The following TNRC18 variants were observed in gnomAD, a reference collection of about 807,000 sequenced individuals.
The protein encoded by TNRC18 is trinucleotide repeat-containing gene 18 protein.
A neutral mutation model predicts 226.7 loss-of-function variants in TNRC18; 69 were observed. The observed-to-expected ratio is 0.30, with a 90% CI of 0.25 to 0.37. The LOEUF (loss-of-function observed/expected upper bound fraction) is 0.37. Among genes scored for constraint, TNRC18 ranks in the 10% least tolerant of loss-of-function variants. The pLI is 1.00. For missense variants in TNRC18, 4,754 were observed against 4,256.6 expected (o/e 1.12, Z -3.25); for synonymous variants, 2,449 against 1,927.6 (o/e 1.27, Z -7.09).
Position 5,367,791 on chromosome 7 carries a change from C to T in TNRC18, c.4219+2584G>A, listed in dbSNP as rs542892850. On this transcript the variant is annotated intron_variant, in intron 11 of 29. Transcript: ENST00000430969. The stretch of plus-strand genomic sequence containing the variant: ...AAAAAAGTTTCTATTGAACTATTTT[C>T]GTGAGAGAAAAGCAGCAATGAACTT... 5.3e-5 allele frequency among the ~76,000 whole-genome samples: 8 copies of T among 151,498 alleles called. No individual in the cohort carries two copies. The South Asian group carries it at 1.0e-3, about 20-fold the overall frequency.
Position 5,313,151 on chromosome 7 carries a change from C to G in TNRC18, c.7740G>C (p.Glu2580Asp), listed in dbSNP as rs746066811. The G allele has an allele frequency of 1.3e-6, 2 of 1,531,374 alleles. No homozygotes were observed. Among genetic ancestry groups the G allele is most frequent in the African/African-American group, 2.7e-5 (2 of 72,838 alleles). The allele number at this position is 1,531,374 out of a possible 1,614,324, so 94.9% of individuals were successfully genotyped here. ...TGTCGCCTTCCTCCTCCCCTTCTGT[C>G]TCCGAGCCGCTGCTGCTGCTGCTGC... ...SSSSSSSSGS[E>D]TEGEEEGDKN... The change falls in exon 27 of 30, where the codon GAG becomes GAC. Residue 2580 changes from glutamate (E) to aspartate (D), a missense_variant. Coordinates refer to ENST00000430969, the MANE Select transcript of TNRC18 (RefSeq NM_001080495.3).
chr7:5,361,324 G>A (rs1793021432), intron 14 of TNRC18, among the ~76,000 whole-genome samples: 1 of 152,240 alleles, frequency 6.6e-6, no homozygotes, highest in Admixed American at 6.5e-5. Context: ...TAGGCGTGAG[G>A]AGGCAGGCGT....
chr7:5,325,597 T>C (rs1788833640), intron 19 of TNRC18: 1 of 268,318 alleles, frequency 3.7e-6, no homozygotes, highest in Non-Finnish European at 7.1e-6. Flanking sequence ...CTAATGTTTT[T>C]GTATTTTCAG....
chr7:5,368,051 GA>G (rs61667235), intron 11 of TNRC18, among the ~76,000 whole-genome samples: 56 of 146,466 alleles, frequency 3.8e-4, no homozygotes, highest in Non-Finnish European at 6.0e-4. Flanking sequence ...TTGCAACGGA[GA>G]AAAAAAAAAA....
At chr7:5,308,783 G>A (rs866834867) in intron 29 of TNRC18, 92 bp downstream of exon 29, 19 of 1,397,392 alleles carry the variant, frequency 1.4e-5, no homozygotes, top group African/African-American at 4.3e-5. Flanking sequence ...ATGGGGGACA[G>A]AGCAGCAGAT....
At chr7:5,375,818 C>G (rs1179607241) in intron 9 of TNRC18, among the ~76,000 whole-genome samples, 1 of 152,186 alleles carries the variant, frequency 6.6e-6, no homozygotes, top group African/African-American at 2.4e-5. Flanking sequence ...CTCCATCTGC[C>G]TCTGCTCACA....
At chr7:5,379,839 G>A (rs1297772847) in intron 5 of TNRC18, among the ~76,000 whole-genome samples, 2 of 152,184 alleles carry the variant, frequency 1.3e-5, no homozygotes, top group South Asian at 2.1e-4. Context: ...CCTTGGGGCC[G>A]GCCTTCCCAG....
intron 2 of TNRC18, among the ~76,000 whole-genome samples, chr7:5,395,024 C>T (rs947951115): frequency 4.6e-5 from 7 of 152,132 alleles, no homozygotes; most frequent in Non-Finnish European, 5.9e-5. Flanking sequence ...AGGCGGGGGG[C>T]TCATATGCTG....
In TNRC18 at chr7:5,357,190, G is replaced by C. The variant is rs1434961040; in HGVS notation, c.4920C>G (p.Asp1640Glu). ...LDKALSLTKQ[D>E]KLKSPFKFSD... ...AAAACTTGAAGGGCGACTTCAACTT[G>C]TCCTGCTTGGTGAGGGAGAGGGCCT... Residue 1640 changes from aspartate to glutamate, a missense_variant, in exon 16 of 30, where the codon GAC (aspartate) becomes GAG (glutamate). By Grantham distance (45) the Asp-to-Glu change is conservative. Transcript: ENST00000430969. 4.3e-6 allele frequency: 7 copies of C among 1,610,612 alleles called. No individual in the cohort carries two copies. The highest frequency in any genetic ancestry group is 2.2e-5 in the East Asian group (1 of 44,832).
chr7:5,345,789 T>C lies in TNRC18; in HGVS notation c.5492A>G (p.Asp1831Gly). Residue 1831 changes from aspartate to glycine, a missense_variant, in exon 18 of 30, where the codon GAC becomes GGC. Physicochemically the swap from Asp to Gly is moderately conservative, Grantham distance 94. Transcript: ENST00000430969. Reference protein sequence around the residue: ...FDQDESSEEEDEEEELEEEDE... With the variant: ...FDQDESSEEEGEEEELEEEDE... ...CTCCTCCTCGAGCTCCTCCTCCTCG[T>C]CCTCCTCCTCCGAGCTCTCATCTGG... 6.5e-7 allele frequency: 1 copy of C among 1,544,610 alleles called. No homozygotes were observed.
chr7:5,416,481 G>A (rs1039451944), intron 2 of TNRC18, among the ~76,000 whole-genome samples: 32 of 152,382 alleles, frequency 2.1e-4, no homozygotes, highest in African/African-American at 7.2e-4. Context: ...CGCTACTCGG[G>A]CGGCTGAGGC....
chr7:5,342,924 A>C (rs955421170), intron 18 of TNRC18, among the ~76,000 whole-genome samples: 1 of 152,204 alleles, frequency 6.6e-6, no homozygotes, highest in African/African-American at 2.4e-5. Flanking sequence ...CCACCACCCT[A>C]ATCAGTCAGC....
At chr7:5,420,562 G>A (rs1237370093) in intron 2 of TNRC18, 6 of 447,840 alleles carry the variant, frequency 1.3e-5, no homozygotes, top group Non-Finnish European at 2.3e-5. Context: ...GCGTACTCCC[G>A]CATCCCCCGG....
At chr7:5,330,766 C>T (rs1183611538) in intron 19 of TNRC18, among the ~76,000 whole-genome samples, 8 of 152,128 alleles carry the variant, frequency 5.3e-5, no homozygotes, top group South Asian at 2.1e-4. Flanking sequence ...CTCCGCCTTC[C>T]GGGCTCAAGA....
intron 14 of TNRC18, among the ~76,000 whole-genome samples, chr7:5,360,129 GCACT>G (rs1164374428): frequency 4.6e-5 from 7 of 152,128 alleles, no homozygotes; most frequent in Non-Finnish European, 7.3e-5. Flanking sequence ...TCTGTACTTG[GCACT>G]CACTCACTGT....
rs571082103 is a variant in TNRC18 at position 5,392,496 on chromosome 7, C to T, written c.344-1868G>A. On this transcript the variant is annotated intron_variant, in intron 3 of 29. Transcript: ENST00000430969. ...AGGCGTGGTGGCGCACGCCTGTAAT[C>T]CCAGCTACTCAGGAGGCTGAGGCAG... Among the ~76,000 whole-genome samples the T allele has an allele frequency of 3.3e-5, 5 of 152,272 alleles. No individual in the cohort carries two copies. In the South Asian group the frequency reaches 8.3e-4, roughly 25 times the overall value.
rs1046564575 is a variant in TNRC18 at position 5,387,521 on chromosome 7, A to G, written c.2152+151T>C. ...GGAGTGGAAAACTGAACCATGGTAC[A>G]TGCTCGCAACAGAACATTCAAGACC... On this transcript the variant is annotated intron_variant, in intron 5 of 29. Transcript: ENST00000430969. 1.8e-5 allele frequency: 21 copies of G among 1,137,970 alleles called. No individual in the cohort carries two copies. The East Asian group carries it at 2.0e-4, about 11-fold the overall frequency. The allele number at this position is 1,137,970 out of a possible 1,614,324, so 70.5% of individuals were successfully genotyped here. A position where few individuals can be genotyped will look rare whatever the true frequency, so the allele number is the denominator to read the frequency against.
In TNRC18 at chr7:5,316,034, C is replaced by T. The variant is rs758118578; in HGVS notation, c.6784G>A (p.Val2262Met). 4 of 1,607,472 alleles carry T rather than the reference C, an allele frequency of 2.5e-6. No homozygotes were observed. Among genetic ancestry groups the T allele is most frequent in the Admixed American group, 1.7e-5 (1 of 59,226 alleles). Reference protein sequence around the residue: ...DLEDDGDLITVEFDDGDTGRI... With the variant: ...DLEDDGDLITMEFDDGDTGRI... ...CCCGTGTCTCCGTCGTCAAACTCCA[C>T]GGTGATCAAGTCCCCATCGTCCTCC... The change falls in exon 25 of 30, where the codon GTG (valine) becomes ATG (methionine). Residue 2262 changes from valine (V) to methionine (M), a missense_variant. Coordinates refer to ENST00000430969, the MANE Select transcript of TNRC18 (RefSeq NM_001080495.3).
At chr7:5,308,350 G>C (rs867608802) in intron 29 of TNRC18, 38 bp from the exon 30 acceptor site, 2 of 1,575,924 alleles carry the variant, frequency 1.3e-6, no homozygotes, top group South Asian at 2.3e-5. Flanking sequence ...GCAGGTGGGG[G>C]GCACAGAGGC....
Sources: allele counts gnomAD v4.1 joint callset (sites outside exome capture counted in the v4.1 genomes callset), GRCh38; gene constraint gnomAD v4.1.1; transcripts MANE v1.5; gene names NCBI Gene and HGNC (gene_info 2026-07-23, HGNC 2026-07-21).